Variants in DPP10 observed in about 807,000 individuals in gnomAD.
The protein encoded by DPP10 is inactive dipeptidyl peptidase 10.
In DPP10, 33 loss-of-function variants were observed where a neutral mutation model predicts 120.9. That is an observed-to-expected ratio of 0.27 (90% CI 0.21 to 0.37). The LOEUF (loss-of-function observed/expected upper bound fraction) is 0.37, where lower values mean the gene tolerates loss of function less well. Among genes scored for constraint, DPP10 ranks in the 10% least tolerant of loss-of-function variants. The pLI is 1.00. For synonymous variants in DPP10, 337 were observed against 326.1 expected, an observed-to-expected ratio of 1.03 and a Z score of -0.36; for missense variants, 816 against 942.8, an observed-to-expected ratio of 0.87 and a Z score of 1.76.
intron 1 of DPP10, among the ~76,000 whole-genome samples, chr2:114,902,597 A>G (rs530782630): frequency 2.0e-5 from 3 of 152,194 alleles, no homozygotes; most frequent in African/African-American, 7.2e-5. Context: ...GTTAAGTTCT[A>G]CTGCATCCCC....
chr2:115,415,886 CACAT>C (rs2069379891), intron 3 of DPP10, among the ~76,000 whole-genome samples: 1 of 122,592 alleles, frequency 8.2e-6, no homozygotes, highest in Admixed American at 8.2e-5. Context: ...TGCACACACA[CACAT>C]ACATTCATAT....
chr2:115,504,275 C>CTTTTT (rs5833604), intron 4 of DPP10, among the ~76,000 whole-genome samples: 1 of 131,618 alleles, frequency 7.6e-6, no homozygotes, highest in Admixed American at 7.7e-5. Context: ...CTATTGCCAA[C>CTTTTT]TTTTTTTTTT....
rs115664085 is a variant in DPP10 at position 114,592,379 on chromosome 2, T to G, written c.60+149541T>G. On this transcript the variant is annotated intron_variant, in intron 1 of 25. Transcript: ENST00000410059. ...CATCTGGGACAATTGCTTGGTCACA[T>G]GAATTTATTTGAGGGAGGTCAGCAT... Among the ~76,000 whole-genome samples, 1,434 of 152,310 alleles carry G rather than the reference T, an allele frequency of 9.4e-3. 4 individuals carry two copies. The highest frequency in any genetic ancestry group is 0.015 in the Non-Finnish European group (1,044 of 68,032).
chr2:115,339,521 T>C (rs545651207), intron 2 of DPP10, among the ~76,000 whole-genome samples: 3 of 152,328 alleles, frequency 2.0e-5, no homozygotes, highest in Admixed American at 1.3e-4. Flanking sequence ...TTATAGTAAC[T>C]TTATTTTTAA....
At chr2:114,649,160 G>T (rs1461930857) in intron 1 of DPP10, among the ~76,000 whole-genome samples, 1 of 152,116 alleles carries the variant, frequency 6.6e-6, no homozygotes, top group Non-Finnish European at 1.5e-5. Flanking sequence ...AAAAACTGTG[G>T]TACTTGTTAT....
chr2:115,351,523 A>G (rs536652826), intron 3 of DPP10, among the ~76,000 whole-genome samples: 5 of 152,222 alleles, frequency 3.3e-5, no homozygotes, highest in Admixed American at 2.6e-4. Flanking sequence ...AATCTAAAAT[A>G]AAGATTAAAA....
intron 1 of DPP10, among the ~76,000 whole-genome samples, chr2:114,777,444 T>A (rs1681862058): frequency 6.6e-6 from 1 of 150,784 alleles, no homozygotes; most frequent in Non-Finnish European, 1.5e-5. Context: ...TTATTCCTAC[T>A]AAATTATATT....
chr2:115,810,534 T>G (rs1356014823), intron 19 of DPP10, among the ~76,000 whole-genome samples: 1 of 152,168 alleles, frequency 6.6e-6, no homozygotes, highest in Non-Finnish European at 1.5e-5. Context: ...TTTATTATAT[T>G]GTGAACTCAT....
In DPP10 at chr2:115,580,117, C is replaced by T. The variant is rs2081930876; in HGVS notation, c.441+54145C>T. ...CTTAGTTTGCTAGCTCTACCCATGC[C>T]CCTGCAAAGGATATGGTCTTGTTCC... On this transcript the variant is annotated intron_variant, in intron 5 of 25. Transcript: ENST00000410059. The T allele has an allele frequency of 2.0e-5, 3 of 152,214 alleles. No individual in the cohort carries two copies. In the South Asian group the frequency reaches 6.2e-4, roughly 32 times the overall value. 9.4% of individuals were successfully genotyped at this position (152,214 alleles called of 1,614,324 possible).
chr2:114,738,364 G>A (rs1489006492), intron 1 of DPP10, among the ~76,000 whole-genome samples: 1 of 152,208 alleles, frequency 6.6e-6, no homozygotes, highest in African/African-American at 2.4e-5. Context: ...ATTTCAGGGA[G>A]CCTGAGTGCA....
chr2:115,719,461 T>C (rs2092588587), intron 7 of DPP10, among the ~76,000 whole-genome samples: 3 of 152,220 alleles, frequency 2.0e-5, no homozygotes, highest in African/African-American at 7.2e-5. Context: ...TGAGTTGTTC[T>C]ATGTCTCAGA....
At chr2:114,455,730 T>A (rs867170088) in intron 1 of DPP10, among the ~76,000 whole-genome samples, 2,224 of 17,108 alleles carry the variant, frequency 0.13, 55 homozygotes, top group African/African-American at 0.17. Flanking sequence ...AATTCATTTG[T>A]TTTTTTTTTT....
chr2:114,942,470 A>C (rs531364705), intron 1 of DPP10, among the ~76,000 whole-genome samples: 3 of 145,952 alleles, frequency 2.1e-5, no homozygotes, highest in Admixed American at 6.9e-5. Flanking sequence ...GGCCAATTCA[A>C]TTGGTTCATT....
At chr2:115,239,932 T>C (rs1044176227) in intron 1 of DPP10, among the ~76,000 whole-genome samples, 1 of 152,222 alleles carries the variant, frequency 6.6e-6, no homozygotes, top group Non-Finnish European at 1.5e-5. Flanking sequence ...GGACATGAAC[T>C]CATCCTTTTT....
At chr2:115,510,329 T>C (rs991812726) in intron 4 of DPP10, among the ~76,000 whole-genome samples, 6 of 152,200 alleles carry the variant, frequency 3.9e-5, no homozygotes, top group Non-Finnish European at 5.9e-5. Context: ...AGTGGATTTT[T>C]TAATATGATG....
chr2:114,751,620 C>T (rs1378151175), intron 1 of DPP10, among the ~76,000 whole-genome samples: 1 of 152,194 alleles, frequency 6.6e-6, no homozygotes, highest in Non-Finnish European at 1.5e-5. Context: ...AGTACCTAAG[C>T]ACAATGGCGT....
intron 3 of DPP10, among the ~76,000 whole-genome samples, chr2:115,471,245 C>T (rs1239097410): frequency 2.0e-5 from 3 of 152,184 alleles, no homozygotes; most frequent in Non-Finnish European, 4.4e-5. Flanking sequence ...AAGCATCCTA[C>T]CTTGAGAGTC....
intron 19 of DPP10, among the ~76,000 whole-genome samples, chr2:115,803,487 G>T (rs879495195): frequency 5.3e-5 from 8 of 152,140 alleles, no homozygotes; most frequent in Non-Finnish European, 1.2e-4. Context: ...ATGTTAGCTG[G>T]TTATTTTGCT....
chr2:114,726,646 T>C (rs1392150578), intron 1 of DPP10, among the ~76,000 whole-genome samples: 1 of 152,148 alleles, frequency 6.6e-6, no homozygotes, highest in East Asian at 1.9e-4. Flanking sequence ...TATGGAAAAA[T>C]AGAAAATAAA....
Sources: gnomAD v4.1 joint callset for allele counts (sites outside exome capture counted in the v4.1 genomes callset) on GRCh38, gnomAD v4.1.1 for gene constraint, MANE v1.5 for transcripts, NCBI Gene and HGNC (gene_info 2026-07-23, HGNC 2026-07-21) for gene names.